Variants in GSTM4 observed in about 807,000 individuals in gnomAD.
GSTM4 encodes the protein glutathione S-transferase mu 4.
GSTM4 carries 27 observed loss-of-function variants against 30.1 expected under a neutral mutation model. The observed-to-expected ratio is 0.90, with a 90% CI of 0.66 to 1.24. The LOEUF (loss-of-function observed/expected upper bound fraction) is 1.24, where lower values mean the gene tolerates loss of function less well. GSTM4 is among the 50% of genes most tolerant of loss of function. The pLI, the probability that GSTM4 is intolerant of heterozygous loss-of-function variation, is 0.00. For synonymous variants in GSTM4, 94 were observed against 96.2 expected (o/e 0.98, Z 0.13); for missense variants, 238 against 272.1 (o/e 0.87, Z 0.88).
In GSTM4 at chr1:109,657,069, C is replaced by G; in HGVS notation, c.113-146C>G. On this transcript the variant is annotated intron_variant, in intron 2 of 7. Transcript: ENST00000369836. ...CAGAGCCCTCAGCGGGATTCTTTGT[C>G]CCTGAACCCTGGGATGTGGGACTGA... The G allele has an allele frequency of 4.7e-6, 4 of 851,982 alleles. No homozygotes were observed. In the South Asian group the frequency reaches 5.7e-5, roughly 12 times the overall value. 52.8% of individuals were successfully genotyped at this position (851,982 alleles called of 1,614,324 possible). A position where few individuals can be genotyped will look rare whatever the true frequency, so the allele number is the denominator to read the frequency against.
chr1:109,661,539 T>C lies in GSTM4; in HGVS notation c.*285T>C. 1 of 1,314,356 alleles carries C rather than the reference T, an allele frequency of 7.6e-7. No individual in the cohort carries two copies. Among genetic ancestry groups the C allele is most frequent in the Non-Finnish European group, 9.8e-7 (1 of 1,022,692 alleles). 81.4% of individuals were successfully genotyped at this position (1,314,356 alleles called of 1,614,324 possible). A position where few individuals can be genotyped will look rare whatever the true frequency, so the allele number is the denominator to read the frequency against. On this transcript the variant is annotated 3_prime_UTR_variant, in exon 8 of 8. Coordinates refer to ENST00000369836, the MANE Select transcript of GSTM4 (RefSeq NM_000850.5). ...CCAGCCTGACCTTCCTTCCTGTTAG[T>C]GGTTGTATCTGCTTTGAAGGGCCTA... is the stretch of plus-strand genomic sequence containing the variant.
At chr1:109,659,514 C>T (rs1235204946) in intron 7 of GSTM4, 1 of 686,702 alleles carries the variant, frequency 1.5e-6, no homozygotes, top group Non-Finnish European at 2.3e-6. Flanking sequence ...TTGGAAGAGG[C>T]AGAGAACTTT....
chr1:109,657,695 G>C (rs748076368), intron 4 of GSTM4, 24 bp downstream of exon 4: 4 of 1,614,152 alleles, frequency 2.5e-6, no homozygotes, highest in Non-Finnish European at 2.5e-6. Context: ...GCTGCAGTGT[G>C]TGGGGGGAAG....
Position 109,658,850 on chromosome 1 carries a change from A to G in GSTM4, c.397A>G (p.Thr133Ala). Residue 133 changes from threonine (T) to alanine (A), a missense_variant, in exon 6 of 8, where the codon ACA becomes GCA. Physicochemically the swap from Thr to Ala is moderately conservative, Grantham distance 58. Transcript: ENST00000369836. ...LKPEYLEELP[T>A]MMQHFSQFLG... is the part of the protein sequence containing the mutation. ...GCCAGAATACTTGGAGGAACTTCCT[A>G]CAATGATGCAGCACTTCTCACAGTT... is the stretch of plus-strand genomic sequence containing the variant. The G allele has an allele frequency of 3.1e-6, 5 of 1,614,006 alleles. No homozygotes were observed. The Middle Eastern group carries it at 4.9e-4, about 160-fold the overall frequency.
At chr1:109,664,860 C>G (rs670439), downstream of GSTM4, 2 of 760,912 alleles carry the variant, frequency 2.6e-6, no homozygotes, top group Non-Finnish European at 2.3e-6. Context: ...TGAATCTACC[C>G]GTCCTTGAAT....
rs1651989278 is a variant in GSTM4, at chr1:109,656,473, G to T, written c.36+48G>T. The T allele has an allele frequency of 9.9e-6, 16 of 1,609,014 alleles. No individual in the cohort carries two copies. In the East Asian group the frequency reaches 3.6e-4, roughly 36 times the overall value. On this transcript the variant is annotated intron_variant, in intron 1 of 7. Coordinates refer to ENST00000369836, the MANE Select transcript of GSTM4 (RefSeq NM_000850.5). The stretch of plus-strand genomic sequence containing the variant: ...GTGGGACCGGGCGCGTGGGCGGGAA[G>T]TGCCGAGCGGCTGGGGACCGGCTCT...
At chr1:109,659,570 C>A in intron 7 of GSTM4, 1 of 444,746 alleles carries the variant, frequency 2.2e-6, no homozygotes, top group Non-Finnish European at 4.0e-6. Context: ...CACACGGTGG[C>A]ATTGACGTCG....
In GSTM4 at chr1:109,661,568, G is replaced by C. The variant is rs991332934; in HGVS notation, c.*314G>C. On this transcript the variant is annotated 3_prime_UTR_variant, in exon 8 of 8. Transcript: ENST00000369836. ...TGTATCTGCTTTGAAGGGCCTACCT[G>C]GCCCCTCGCCTGTGGAGCTCAGCCC... The C allele has an allele frequency of 1.6e-6, 2 of 1,285,170 alleles. No individual in the cohort carries two copies. The highest frequency in any genetic ancestry group is 3.0e-5 in the African/African-American group (2 of 67,046). 79.6% of individuals were successfully genotyped at this position (1,285,170 alleles called of 1,614,324 possible). A position where few individuals can be genotyped will look rare whatever the true frequency, so the allele number is the denominator to read the frequency against.
At chr1:109,667,473 A>G (rs974059825), downstream of GSTM4, among the ~76,000 whole-genome samples, 1 of 151,704 alleles carries the variant, frequency 6.6e-6, no homozygotes, top group Non-Finnish European at 1.5e-5. Flanking sequence ...CTCTCTTCCC[A>G]CCCAGCAAGC....
Position 109,656,272 on chromosome 1 carries a change from G to C in GSTM4, c.-118G>C, listed in dbSNP as rs939813513. 28 of 990,548 alleles carry C rather than the reference G, an allele frequency of 2.8e-5. No homozygotes were observed. The highest frequency in any genetic ancestry group is 2.6e-4 in the Admixed American group (14 of 53,396). The allele number at this position is 990,548 out of a possible 1,614,324, so 61.4% of individuals were successfully genotyped here. A position where few individuals can be genotyped will look rare whatever the true frequency, so the allele number is the denominator to read the frequency against. ...ACGACCTTGAAGATCGGCGGGCGCA[G>C]CGGGGCCGAGGGGGCGGGTCTGGCG... On this transcript the variant is annotated 5_prime_UTR_variant, in exon 1 of 8. Coordinates refer to ENST00000369836, the MANE Select transcript of GSTM4 (RefSeq NM_000850.5).
At position 109,656,139 on chromosome 1, in the gene GSTM4, G is replaced by A. The variant is rs1463939622; in HGVS notation, c.-251G>A. On this transcript the variant is annotated 5_prime_UTR_variant, in exon 1 of 8. Transcript: ENST00000369836. ...CTTGCTCCCTGAACACTCGGAGGTG[G>A]CGGTGGATCTTACTCCTTCCAGCCA... 2 of 490,918 alleles carry A rather than the reference G, an allele frequency of 4.1e-6. No individual in the cohort carries two copies. Among genetic ancestry groups the A allele is most frequent in the Non-Finnish European group, 3.8e-6 (1 of 265,146 alleles). The allele number at this position is 490,918 out of a possible 1,614,324, so 30.4% of individuals were successfully genotyped here. A position where few individuals can be genotyped will look rare whatever the true frequency, so the allele number is the denominator to read the frequency against.
At chr1:109,656,475 GC>G (rs1557950244) in intron 1 of GSTM4, 50 bp downstream of exon 1, 13 of 1,608,284 alleles carry the variant, frequency 8.1e-6, no homozygotes, top group Non-Finnish European at 1.1e-5. Context: ...GGCGGGAAGT[GC>G]CGAGCGGCTG....
In GSTM4 at chr1:109,661,606, G is replaced by T. The variant is rs1315576304; in HGVS notation, c.*352G>T. 1.6e-6 allele frequency: 2 copies of T among 1,226,264 alleles called. No individual in the cohort carries two copies. Among genetic ancestry groups the T allele is most frequent in the Non-Finnish European group, 2.1e-6 (2 of 973,794 alleles). The allele number at this position is 1,226,264 out of a possible 1,614,324, so 76.0% of individuals were successfully genotyped here. A position where few individuals can be genotyped will look rare whatever the true frequency, so the allele number is the denominator to read the frequency against. On this transcript the variant is annotated 3_prime_UTR_variant, in exon 8 of 8. Transcript: ENST00000369836. Reference sequence around the variant, plus strand: ...TGGAGCTCAGCCCTGAGCTGTCCCCGTGTTGCATGACAGCATTGACTGGTT... The same window carrying T: ...TGGAGCTCAGCCCTGAGCTGTCCCCTTGTTGCATGACAGCATTGACTGGTT...
intron 5 of GSTM4, chr1:109,658,470 G>T: frequency 3.5e-6 from 1 of 287,058 alleles, no homozygotes; most frequent in Non-Finnish European, 6.6e-6. Flanking sequence ...CTTTCTCTGA[G>T]CTCCTTTAGT....
At chr1:109,657,923 C>T (rs1652111954) in intron 5 of GSTM4, 51 bp downstream of exon 5, 3 of 1,505,084 alleles carry the variant, frequency 2.0e-6, no homozygotes, top group South Asian at 2.3e-5. Context: ...TTCCCATCTA[C>T]TCTGGTCCTA....
At chr1:109,657,928 G>T in intron 5 of GSTM4, 56 bp downstream of exon 5, 2 of 1,484,292 alleles carry the variant, frequency 1.3e-6, no homozygotes, top group Admixed American at 1.7e-5. Flanking sequence ...ATCTACTCTG[G>T]TCCTATTCAC....
intron 7 of GSTM4, chr1:109,660,964 T>C: frequency 1.6e-6 from 1 of 607,974 alleles, no homozygotes; most frequent in Non-Finnish European, 3.0e-6. Context: ...GCTGTTACTG[T>C]GGTACAACAT....
At chr1:109,662,464 C>T (rs1005294752), downstream of GSTM4, among the ~76,000 whole-genome samples, 8 of 152,222 alleles carry the variant, frequency 5.3e-5, no homozygotes, top group African/African-American at 4.8e-5. Flanking sequence ...TGTGTTATCA[C>T]AAATAGTTGT....
At chr1:109,665,152 T>A, downstream of GSTM4, 1 of 758,894 alleles carries the variant, frequency 1.3e-6, no homozygotes, top group South Asian at 1.4e-5. Context: ...ACAGCAAAGA[T>A]TTCCTTCAGC....
Sources: gnomAD v4.1 joint callset for allele counts (sites outside exome capture counted in the v4.1 genomes callset) on GRCh38, gnomAD v4.1.1 for gene constraint, MANE v1.5 for transcripts, NCBI Gene and HGNC (gene_info 2026-07-23, HGNC 2026-07-21) for gene names.